The following VAV2 variants were observed in gnomAD, a reference collection of about 807,000 sequenced individuals.
The protein encoded by VAV2 is guanine nucleotide exchange factor VAV2.
A neutral mutation model predicts 132.5 loss-of-function variants in VAV2; 67 were observed. The observed-to-expected ratio is 0.51, with a 90% confidence interval of 0.42 to 0.62. The LOEUF is 0.62. VAV2 is among the 20% of genes least tolerant of loss of function. The pLI is 0.00. For missense variants in VAV2, 938 were observed against 1,153.6 expected (o/e 0.81, Z 2.71); for synonymous variants, 492 against 443.5 (o/e 1.11, Z -1.37).
chr9:133,874,717 T>C (rs954004520), intron 2 of VAV2, among the ~76,000 whole-genome samples: 5 of 152,126 alleles, frequency 3.3e-5, no homozygotes, highest in African/African-American at 4.8e-5. Context: ...GCTTCTTCCT[T>C]GGACCCTTCC....
intron 22 of VAV2, 84 bp from the exon 23 acceptor site, chr9:133,777,547 T>C (rs1833860057): frequency 4.5e-6 from 6 of 1,331,530 alleles, no homozygotes; most frequent in South Asian, 3.7e-5. Context: ...ACTCAGCGTA[T>C]GCCAATCCCG....
Position 133,834,392 on chromosome 9 carries a change from A to G in VAV2, c.381-52T>C, listed in dbSNP as rs759117873. ...TGAGCAGGTCCCGGCACTGCCGGCC[A>G]GTGGGACCCCAGCTGGACCCCACAG... On this transcript the variant is annotated intron_variant, in intron 3 of 29. Coordinates refer to ENST00000371850, the MANE Select transcript of VAV2 (RefSeq NM_001134398.2). This position sits in a 1 kb window ranked among gnomAD's most constrained non-coding sequence, Gnocchi z 5.9. The G allele has an allele frequency of 6.3e-7, 1 of 1,581,842 alleles. No homozygotes were observed. Among genetic ancestry groups the G allele is most frequent in the African/African-American group, 1.3e-5 (1 of 74,478 alleles).
In VAV2 at chr9:133,840,150, G is replaced by GA. The variant is rs1483317589; in HGVS notation, c.381-5811dup. Reference sequence around the variant, plus strand: ...CCACAGCCTATCCAGAAGTTGTCCTGAGAGCAGTCATCCTGGCTCCCCAGG... The same window carrying GA: ...CCACAGCCTATCCAGAAGTTGTCCTGAAGAGCAGTCATCCTGGCTCCCCAGG... On this transcript the variant is annotated intron_variant, in intron 3 of 29. Coordinates refer to ENST00000371850, the MANE Select transcript of VAV2 (RefSeq NM_001134398.2). This position sits in a 1 kb window ranked among gnomAD's most constrained non-coding sequence, Gnocchi z 4.5. Among the ~76,000 whole-genome samples the GA allele has an allele frequency of 1.3e-5, 2 of 152,230 alleles. No homozygotes were observed. The highest frequency in any genetic ancestry group is 2.9e-5 in the Non-Finnish European group (2 of 68,036).
chr9:133,776,397 C>T (rs937926428), intron 23 of VAV2, among the ~76,000 whole-genome samples: 1 of 152,200 alleles, frequency 6.6e-6, no homozygotes, highest in Non-Finnish European at 1.5e-5. Flanking sequence ...GTGAGACACC[C>T]ACAGCCAAGC....
intron 2 of VAV2, among the ~76,000 whole-genome samples, chr9:133,905,719 A>G (rs2519792): frequency 0.33 from 49,857 of 151,634 alleles, 8,887 homozygotes; most frequent in Non-Finnish European, 0.4. Flanking sequence ...TCTGTAGTGG[A>G]TCACTGGGGC....
intron 4 of VAV2, among the ~76,000 whole-genome samples, chr9:133,815,041 C>A (rs1165790090): frequency 6.6e-6 from 1 of 152,116 alleles, no homozygotes; most frequent in African/African-American, 2.4e-5. Flanking sequence ...GGAAGAGGCA[C>A]GAGCTCCATC....
At chr9:133,893,646 G>T (rs1226480677) in intron 2 of VAV2, among the ~76,000 whole-genome samples, 1 of 152,248 alleles carries the variant, frequency 6.6e-6, no homozygotes, top group Admixed American at 6.5e-5. Flanking sequence ...ACAGGGGCGA[G>T]CACCCAGCCC....
At chr9:133,977,599 G>A (rs529250890) in intron 1 of VAV2, among the ~76,000 whole-genome samples, 303 of 152,264 alleles carry the variant, frequency 2.0e-3, no homozygotes, top group Non-Finnish European at 3.4e-3. Flanking sequence ...CATGACAGGC[G>A]GTCCATCCCC....
At chr9:133,789,183 T>A (rs749373798) in intron 14 of VAV2, 75 bp downstream of exon 14, 13 of 1,522,810 alleles carry the variant, frequency 8.5e-6, no homozygotes, top group Non-Finnish European at 1.1e-5. Context: ...CAGAGCCACT[T>A]AGGAGTGGCT....
intron 2 of VAV2, among the ~76,000 whole-genome samples, chr9:133,914,213 ACT>A: frequency 6.6e-6 from 1 of 152,224 alleles, no homozygotes; most frequent in South Asian, 2.1e-4. Flanking sequence ...AAAAGGCAGC[ACT>A]CACTGGGCCA....
At chr9:133,848,234 CGCG>C (rs1837020920) in intron 3 of VAV2, among the ~76,000 whole-genome samples, 2 of 142,502 alleles carry the variant, frequency 1.4e-5, no homozygotes, top group South Asian at 4.6e-4. Flanking sequence ...GAGCCGAGAT[CGCG>C]CCATTGCACT....
At chr9:133,777,307 AT>A (rs1588160611) in intron 23 of VAV2, 81 bp downstream of exon 23, 8 of 1,453,296 alleles carry the variant, frequency 5.5e-6, no homozygotes, top group Middle Eastern at 1.8e-4. Flanking sequence ...CAAGCCAAAA[AT>A]GTCCACGTGA....
rs967969097 is a variant in VAV2, at chr9:133,969,365, A to G, written c.204+22710T>C. Among the ~76,000 whole-genome samples, 1 of 152,162 alleles carries G rather than the reference A, an allele frequency of 6.6e-6. No homozygotes were observed. Among genetic ancestry groups the G allele is most frequent in the Admixed American group, 6.5e-5 (1 of 15,284 alleles). On this transcript the variant is annotated intron_variant, in intron 1 of 29. Coordinates refer to ENST00000371850, the MANE Select transcript of VAV2 (RefSeq NM_001134398.2). The surrounding 1 kb of genome is among the most constrained non-coding windows in gnomAD (Gnocchi z 5.1). ...AGACGTCTCTCTCCAGGGATCTGAC[A>G]GTGCCAGAGGCTGCTAAGTTTGGTC... is the stretch of plus-strand genomic sequence containing the variant.
intron 4 of VAV2, among the ~76,000 whole-genome samples, chr9:133,814,415 C>T (rs558918034): frequency 2.6e-5 from 4 of 152,176 alleles, no homozygotes; most frequent in Non-Finnish European, 4.4e-5. Flanking sequence ...GCGAGGCTGG[C>T]GGCAAAGCCT....
intron 2 of VAV2, among the ~76,000 whole-genome samples, chr9:133,888,023 T>A (rs1037927537): frequency 1.3e-5 from 2 of 152,214 alleles, no homozygotes; most frequent in Non-Finnish European, 2.9e-5. Flanking sequence ...GGGTAGACCC[T>A]GCCCAGGAGC....
intron 1 of VAV2, among the ~76,000 whole-genome samples, chr9:133,967,852 G>A (rs899303987): frequency 2.2e-5 from 3 of 136,068 alleles, no homozygotes; most frequent in Non-Finnish European, 4.6e-5. Context: ...AGAATGGCTT[G>A]AACCCACGAG....
intron 2 of VAV2, among the ~76,000 whole-genome samples, chr9:133,911,787 G>A (rs374666966): frequency 1.8e-4 from 28 of 152,378 alleles, no homozygotes; most frequent in Middle Eastern, 3.4e-3. Flanking sequence ...AGGGCTGCTC[G>A]TCAGCACAGG....
Position 133,768,547 on chromosome 9 carries a change from G to A in VAV2, c.2484C>T (p.Ala828=), listed in dbSNP as rs201121152. ...IGTAVARYNF[A]ARDMRELSLR... ...GCGAAAGCTCCCTCATATCTCGGGC[G>A]GCAAAGTTATACCTGGCCACAGCTG... The change falls in exon 29 of 30, where the codon GCC becomes GCT. Residue 828 remains alanine, a synonymous_variant. Transcript: ENST00000371850. This position sits in a 1 kb window ranked among gnomAD's most constrained non-coding sequence, Gnocchi z 5.3. The A allele has an allele frequency of 5.3e-5, 86 of 1,614,016 alleles. No homozygotes were observed. The highest frequency in any genetic ancestry group is 3.0e-4 in the South Asian group (27 of 91,080).
At chr9:133,877,336 T>C (rs971894575) in intron 2 of VAV2, among the ~76,000 whole-genome samples, 39 of 151,954 alleles carry the variant, frequency 2.6e-4, no homozygotes, top group Non-Finnish European at 5.1e-4. Context: ...CACACAGCAA[T>C]CCACTGGCCA....
Sources: allele counts gnomAD v4.1 joint callset (sites outside exome capture counted in the v4.1 genomes callset), GRCh38; gene constraint gnomAD v4.1.1; non-coding constraint Gnocchi (gnomAD v3.1); transcripts MANE v1.5; gene names NCBI Gene and HGNC (gene_info 2026-07-23, HGNC 2026-07-21).